The following SYTL1 variants were observed in gnomAD, a reference collection of about 807,000 sequenced individuals.
The protein encoded by SYTL1 is synaptotagmin like 1.
In SYTL1, 53 loss-of-function variants were observed where a neutral mutation model predicts 74.6. The ratio of observed to expected loss-of-function variants is 0.71; its 90% CI spans 0.57 to 0.89. The LOEUF (loss-of-function observed/expected upper bound fraction) is 0.89, where lower values mean the gene tolerates loss of function less well. Among genes scored for constraint, SYTL1 ranks in the 40% least tolerant of loss-of-function variants. SYTL1 has a pLI of 0.00. For synonymous variants in SYTL1, 329 were observed against 324.9 expected (o/e 1.01, Z -0.14); for missense variants, 728 against 768.7 (o/e 0.95, Z 0.63).
Position 27,351,447 on chromosome 1 carries a change from T to C in SYTL1, c.1244-9T>C. 1 of 1,518,552 alleles carries C rather than the reference T, an allele frequency of 6.6e-7. No homozygotes were observed. 94.1% of individuals were successfully genotyped at this position (1,518,552 alleles called of 1,614,324 possible). On this transcript the variant is annotated splice_polypyrimidine_tract_variant and intron_variant, in intron 12 of 14. Transcript: ENST00000616558. The surrounding 1 kb of genome is among the most constrained non-coding windows in gnomAD (Gnocchi z 5.0). ...TCCGTGTGCGGGCCTGAGCCGAGCCTCTCCGCAGGCGCAGGACTGCCCCCG... is the reference window on the plus strand; with the variant it reads ...TCCGTGTGCGGGCCTGAGCCGAGCCCCTCCGCAGGCGCAGGACTGCCCCCG...
chr1:27,353,373 G>C lies in SYTL1; in HGVS notation c.1434G>C (p.Val478=). Residue 478 remains valine (V), a synonymous_variant, in exon 14 of 15, where the codon GTG becomes GTC. Transcript: ENST00000616558. ...SLSPVFNHTM[V]YDGFGPADLR... is the part of the protein sequence containing the mutation. Reference sequence around the variant, plus strand: ...GCCCTGTGTTCAATCACACCATGGTGTACGATGGCTTTGGGCCTGCTGACC... The same window carrying C: ...GCCCTGTGTTCAATCACACCATGGTCTACGATGGCTTTGGGCCTGCTGACC... The C allele has an allele frequency of 6.2e-7, 1 of 1,611,750 alleles. No homozygotes were observed. Among genetic ancestry groups the C allele is most frequent in the Non-Finnish European group, 8.5e-7 (1 of 1,179,328 alleles).
Position 27,349,426 on chromosome 1 carries a change from T to C in SYTL1, c.561T>C (p.Cys187=). 6.9e-7 allele frequency: 1 copy of C among 1,453,406 alleles called. No individual in the cohort carries two copies. Among genetic ancestry groups the C allele is most frequent in the South Asian group, 1.5e-5 (1 of 68,036 alleles). The allele number at this position is 1,453,406 out of a possible 1,614,324, so 90.0% of individuals were successfully genotyped here. A position where few individuals can be genotyped will look rare whatever the true frequency, so the allele number is the denominator to read the frequency against. Reference sequence around the variant, plus strand: ...CTGGCCAAGGAGACCAACAGGTCTGTGCCGAGGAGGCTGACCCGGAGCTGG... The same window carrying C: ...CTGGCCAAGGAGACCAACAGGTCTGCGCCGAGGAGGCTGACCCGGAGCTGG... ...EDPGQGDQQV[C]AEEADPELEP... The change falls in exon 7 of 15, where the codon TGT becomes TGC. Residue 187 remains cysteine, a synonymous_variant. Transcript: ENST00000616558.
Position 27,351,047 on chromosome 1 carries a change from G to C in SYTL1, c.1164+95G>C. 1.4e-6 allele frequency: 2 copies of C among 1,464,298 alleles called. No homozygotes were observed. The allele number at this position is 1,464,298 out of a possible 1,614,324, so 90.7% of individuals were successfully genotyped here. On this transcript the variant is annotated intron_variant, in intron 11 of 14. Transcript: ENST00000616558. This position sits in a 1 kb window ranked among gnomAD's most constrained non-coding sequence, Gnocchi z 5.0. The stretch of plus-strand genomic sequence containing the variant: ...CGCAGCCCCCTCACACCCCGCCTTC[G>C]ACAGAACCTCCCCTCAACCTCTTAA...
At chr1:27,349,553 G>T in intron 7 of SYTL1, 55 bp downstream of exon 7, 1 of 1,472,304 alleles carries the variant, frequency 6.8e-7, no homozygotes, top group Middle Eastern at 2.2e-4. Context: ...CTCCGGGCGG[G>T]GAGCGCTCCT....
At position 27,351,533 on chromosome 1, in the gene SYTL1, T is replaced by G; in HGVS notation, c.1321T>G (p.Ser441Ala). Residue 441 changes from serine (S) to alanine (A), a missense_variant, in exon 13 of 15, where the codon TCC becomes GCC. By Grantham distance (99) the Ser-to-Ala change is moderately conservative (BLOSUM62 1). Transcript: ENST00000616558. The surrounding 1 kb of genome is among the most constrained non-coding windows in gnomAD (Gnocchi z 5.0). ...GGACCTCCTGCCGCTGCGGGCAGGATCCCTGGACACTTACGTACAATGGTG... is the reference window on the plus strand; with the variant it reads ...GGACCTCCTGCCGCTGCGGGCAGGAGCCCTGGACACTTACGTACAATGGTG... ...ARDLLPLRAG[S>A]LDTYVQCFVL... 1 of 1,547,578 alleles carries G rather than the reference T, an allele frequency of 6.5e-7. No homozygotes were observed. The highest frequency in any genetic ancestry group is 1.2e-5 in the South Asian group (1 of 83,764).
At chr1:27,346,062 C>T (rs561400798) in intron 2 of SYTL1, among the ~76,000 whole-genome samples, 7 of 152,148 alleles carry the variant, frequency 4.6e-5, no homozygotes, top group African/African-American at 7.2e-5. Context: ...ATTACAGACG[C>T]GAGCCACCGT....
Position 27,347,503 on chromosome 1 carries a change from C to A in SYTL1, c.274C>A (p.His92Asn). 6.2e-7 allele frequency: 1 copy of A among 1,614,144 alleles called. No homozygotes were observed. The highest frequency in any genetic ancestry group is 1.1e-5 in the South Asian group (1 of 91,088). Residue 92 changes from histidine to asparagine, a missense_variant, in exon 3 of 15, where the codon CAC becomes AAC. Coordinates refer to ENST00000616558, the MANE Select transcript of SYTL1 (RefSeq NM_001193308.2). This position sits in a 1 kb window ranked among gnomAD's most constrained non-coding sequence, Gnocchi z 4.9. ...DWFQEARSQR[H>N]HNAHFGSDLV... ...GTTCCAGGAAGCACGCTCCCAGCGG[C>A]ACCACAATGCCCACTTCGGCTCTGA...
At chr1:27,349,911 G>T in intron 8 of SYTL1, 61 bp from the exon 9 acceptor site, 1 of 1,547,660 alleles carries the variant, frequency 6.5e-7, no homozygotes, top group Non-Finnish European at 8.7e-7. Context: ...CCTCCGCGCT[G>T]CCCGCGGCCC....
Position 27,349,415 on chromosome 1 carries a change from C to T in SYTL1, c.550C>T (p.Gln184Ter). 2.1e-6 allele frequency: 3 copies of T among 1,449,112 alleles called. No individual in the cohort carries two copies. The highest frequency in any genetic ancestry group is 2.7e-6 in the Non-Finnish European group (3 of 1,099,244). The allele number at this position is 1,449,112 out of a possible 1,614,324, so 89.8% of individuals were successfully genotyped here. The change falls in exon 7 of 15, where the codon CAA becomes TAA. Residue 184 changes from glutamine (Q) to a stop codon, truncating the protein, a stop_gained. Transcript: ENST00000616558. LOFTEE classifies it high-confidence loss of function. ...CACCCCAGATCCTGGCCAAGGAGAC[C>T]AACAGGTCTGTGCCGAGGAGGCTGA... ...QAQEDPGQGD[Q>*]QVCAEEADPE...
At position 27,351,238 on chromosome 1, in the gene SYTL1, G is replaced by A. The variant is rs1315347450; in HGVS notation, c.1165-20G>A. 6.4e-7 allele frequency: 1 copy of A among 1,550,474 alleles called. No individual in the cohort carries two copies. The highest frequency in any genetic ancestry group is 8.7e-7 in the Non-Finnish European group (1 of 1,148,012). On this transcript the variant is annotated intron_variant, in intron 11 of 14. Coordinates refer to ENST00000616558, the MANE Select transcript of SYTL1 (RefSeq NM_001193308.2). This position sits in a 1 kb window ranked among gnomAD's most constrained non-coding sequence, Gnocchi z 5.0. ...CCCTTTCCATTAGCCCCTGCTCCAC[G>A]ATAAGCCCGCCTCTCGCAGGTCCCA...
rs2014879102 is a variant in SYTL1 at position 27,343,746 on chromosome 1, C to A, written c.-38-1551C>A. Among the ~76,000 whole-genome samples, 1 of 152,126 alleles carries A rather than the reference C, an allele frequency of 6.6e-6. No individual in the cohort carries two copies. Among genetic ancestry groups the A allele is most frequent in the Admixed American group, 6.5e-5 (1 of 15,268 alleles). ...TGCAAAGTAATGGCTTTGAGGGTGA[C>A]TCCCTCTCCCTGCCTCCAAGGAGCT... On this transcript the variant is annotated intron_variant, in intron 1 of 14. Transcript: ENST00000616558. The surrounding 1 kb of genome is among the most constrained non-coding windows in gnomAD (Gnocchi z 5.2).
intron 8 of SYTL1, 36 bp downstream of exon 8, chr1:27,349,801 G>A (rs746238667): frequency 3.8e-6 from 6 of 1,562,490 alleles, no homozygotes; most frequent in Non-Finnish European, 5.2e-6. Context: ...GCGGCCGGGG[G>A]GTGGACCCGT....
Position 27,350,570 on chromosome 1 carries a change from ACGTCATTGCCCGGAGGAT to A in SYTL1, c.1005+88_1005+105del. The A allele has an allele frequency of 8.1e-7, 1 of 1,240,080 alleles. No individual in the cohort carries two copies. Among genetic ancestry groups the A allele is most frequent in the Non-Finnish European group, 1.2e-6 (1 of 867,128 alleles). 76.8% of individuals were successfully genotyped at this position (1,240,080 alleles called of 1,614,324 possible). A position where few individuals can be genotyped will look rare whatever the true frequency, so the allele number is the denominator to read the frequency against. ...GGCTAGGTGGCAAGGGCAGCCAGTA[ACGTCATTGCCCGGAGGAT>A]CGGCGGAGGGGGCCCATTAACTCGT... On this transcript the variant is annotated intron_variant, in intron 10 of 14. Coordinates refer to ENST00000616558, the MANE Select transcript of SYTL1 (RefSeq NM_001193308.2). The surrounding 1 kb of genome is among the most constrained non-coding windows in gnomAD (Gnocchi z 6.3).
rs1332365819 is a variant in SYTL1, at chr1:27,353,373, G to A, written c.1434G>A (p.Val478=). ...GCCCTGTGTTCAATCACACCATGGT[G>A]TACGATGGCTTTGGGCCTGCTGACC... ...SLSPVFNHTM[V]YDGFGPADLR... Residue 478 remains valine (V), a synonymous_variant, in exon 14 of 15, where the codon GTG becomes GTA. Coordinates refer to ENST00000616558, the MANE Select transcript of SYTL1 (RefSeq NM_001193308.2). 2 of 1,611,750 alleles carry A rather than the reference G, an allele frequency of 1.2e-6. No homozygotes were observed. Among genetic ancestry groups the A allele is most frequent in the Non-Finnish European group, 1.7e-6 (2 of 1,179,328 alleles).
intron 8 of SYTL1, 25 bp from the exon 9 acceptor site, chr1:27,349,947 G>T: frequency 6.4e-7 from 1 of 1,568,462 alleles, no homozygotes; most frequent in South Asian, 1.2e-5. Flanking sequence ...GAGCGGCCCT[G>T]ACTCCCACCC....
In SYTL1 at chr1:27,348,995, CCCTATGACCTCTGACCCCAATATGA is replaced by C; in HGVS notation, c.460-81_460-57del. 1 of 1,052,756 alleles carries C rather than the reference CCCTATGACCTCTGACCCCAATATGA, an allele frequency of 9.5e-7. No individual in the cohort carries two copies. The highest frequency in any genetic ancestry group is 1.4e-6 in the Non-Finnish European group (1 of 708,504). 65.2% of individuals were successfully genotyped at this position (1,052,756 alleles called of 1,614,324 possible). ...CTGAAACTGGGGTAGCTGGCTGGAG[CCCTATGACCTCTGACCCCAATATGA>C]CCTTTGACCTCTTCCTCACCAGCCC... On this transcript the variant is annotated intron_variant, in intron 5 of 14. Transcript: ENST00000616558. The surrounding 1 kb of genome is among the most constrained non-coding windows in gnomAD (Gnocchi z 4.1).
chr1:27,351,619 C>A lies in SYTL1; in HGVS notation c.1343+64C>A. ...CCTGCAGTGGAGTGCCCAACCTCCA[C>A]AAACCCTTACTAATCAACCTTTGAT... On this transcript the variant is annotated intron_variant, in intron 13 of 14. Transcript: ENST00000616558. The surrounding 1 kb of genome is among the most constrained non-coding windows in gnomAD (Gnocchi z 5.0). 2 of 1,040,236 alleles carry A rather than the reference C, an allele frequency of 1.9e-6. No homozygotes were observed. Among genetic ancestry groups the A allele is most frequent in the Non-Finnish European group, 2.8e-6 (2 of 720,362 alleles). The allele number at this position is 1,040,236 out of a possible 1,614,324, so 64.4% of individuals were successfully genotyped here.
At position 27,345,815 on chromosome 1, in the gene SYTL1, T is replaced by C. The variant is rs1423426364; in HGVS notation, c.191+290T>C. The stretch of plus-strand genomic sequence containing the variant: ...TTTTTCTTGAGACAGAGTTTCATTT[T>C]TTCGCCCAGGCTGGAGTGAAGTGGC... On this transcript the variant is annotated intron_variant, in intron 2 of 14. Coordinates refer to ENST00000616558, the MANE Select transcript of SYTL1 (RefSeq NM_001193308.2). This position sits in a 1 kb window ranked among gnomAD's most constrained non-coding sequence, Gnocchi z 6.0. Among the ~76,000 whole-genome samples, 1 of 151,934 alleles carries C rather than the reference T, an allele frequency of 6.6e-6. No homozygotes were observed. Among genetic ancestry groups the C allele is most frequent in the East Asian group, 1.9e-4 (1 of 5,184 alleles).
At position 27,353,851 on chromosome 1, in the gene SYTL1, A is replaced by AG. The variant is rs2015393193; in HGVS notation, c.1689dup. 1 of 1,611,594 alleles carries AG rather than the reference A, an allele frequency of 6.2e-7. No homozygotes were observed. The highest frequency in any genetic ancestry group is 1.1e-5 in the South Asian group (1 of 90,970). The change falls in exon 15 of 15, where the codon TAG becomes TAGG. Residue 563 remains the stop codon, a frameshift_variant and stop_retained_variant. Transcript: ENST00000616558. LOFTEE classifies it high-confidence loss of function. ...AGAACCAACCTGGCCCCCAGGACGT[A>AG]GCCCCACCAAGCCTCTCTCTCTGGA... The part of the protein sequence containing the change: ...PLRTNLAPRT[*]
Sources: gnomAD v4.1 joint callset for allele counts (sites outside exome capture counted in the v4.1 genomes callset) on GRCh38, gnomAD v4.1.1 for gene constraint, Gnocchi (gnomAD v3.1) non-coding constraint, MANE v1.5 for transcripts, NCBI Gene and HGNC (gene_info 2026-07-23, HGNC 2026-07-21) for gene names.